Variants in PEDS1 observed in about 807,000 individuals in gnomAD.
The protein encoded by PEDS1 is CarF homolog.
PEDS1 carries 14 observed loss-of-function variants against 35.2 expected under a neutral mutation model. That is an observed-to-expected ratio of 0.40 (90% CI 0.26 to 0.62). PEDS1 has a LOEUF of 0.62. Ranked by LOEUF, PEDS1 falls within the 20% of genes least tolerant of loss-of-function variation. The pLI, the probability that PEDS1 is intolerant of heterozygous loss-of-function variation, is 0.44. For synonymous variants in PEDS1, 152 were observed against 152.0 expected (o/e 1.00, Z 0.00); for missense variants, 260 against 367.8 (o/e 0.71, Z 2.40).
At chr20:50,130,453 C>T (rs746666867) in intron 3 of PEDS1, among the ~76,000 whole-genome samples, 16 of 152,322 alleles carry the variant, frequency 1.1e-4, no homozygotes, top group South Asian at 2.1e-4. Flanking sequence ...TAATTTGGCT[C>T]TAACCCTGAA....
At chr20:50,143,689 A>C (rs1466748185) in intron 1 of PEDS1, 68 bp from the exon 2 acceptor site, 1 of 1,560,136 alleles carries the variant, frequency 6.4e-7, no homozygotes, top group Non-Finnish European at 8.6e-7. Flanking sequence ...GCCCCATGGG[A>C]ACTTTTCTTT....
At chr20:50,140,650 C>G (rs1481984301) in intron 2 of PEDS1, among the ~76,000 whole-genome samples, 2 of 152,218 alleles carry the variant, frequency 1.3e-5, no homozygotes, top group African/African-American at 4.8e-5. Context: ...TCAGAGAGGC[C>G]TTTCCCGCCT....
chr20:50,141,772 G>C (rs547604139), intron 2 of PEDS1, among the ~76,000 whole-genome samples: 2 of 152,332 alleles, frequency 1.3e-5, no homozygotes, highest in Non-Finnish European at 2.9e-5. Flanking sequence ...TCCTGCCTGG[G>C]CTTCCCAGCA....
intron 2 of PEDS1, among the ~76,000 whole-genome samples, chr20:50,135,107 C>T (rs928182323): frequency 2.0e-5 from 3 of 152,114 alleles, no homozygotes; most frequent in Non-Finnish European, 1.5e-5. Context: ...ATCGCTTGAA[C>T]CTGGGAGGCA....
chr20:50,138,917 C>T (rs569201251), intron 2 of PEDS1, among the ~76,000 whole-genome samples: 2 of 152,298 alleles, frequency 1.3e-5, no homozygotes, highest in African/African-American at 4.8e-5. Context: ...TCGCTGGGCC[C>T]GTGCGGGCTT....
chr20:50,138,494 C>A (rs577721374), intron 2 of PEDS1, among the ~76,000 whole-genome samples: 2 of 152,366 alleles, frequency 1.3e-5, no homozygotes, highest in South Asian at 4.1e-4. Context: ...AAGCATCCCC[C>A]CAACGCAGCT....
chr20:50,135,292 T>C (rs1470157697), intron 2 of PEDS1, among the ~76,000 whole-genome samples: 2 of 152,152 alleles, frequency 1.3e-5, no homozygotes, highest in Admixed American at 6.5e-5. Flanking sequence ...AAGGCAGACA[T>C]CAACAGCATT....
chr20:50,145,623 G>A (rs1483390071), intron 1 of PEDS1, among the ~76,000 whole-genome samples: 1 of 152,032 alleles, frequency 6.6e-6, no homozygotes, highest in Non-Finnish European at 1.5e-5. Context: ...CCCAGAAGGC[G>A]GAGGTTACAG....
chr20:50,127,594 C>T (rs1432484592), intron 5 of PEDS1, among the ~76,000 whole-genome samples: 1 of 152,184 alleles, frequency 6.6e-6, no homozygotes, highest in African/African-American at 2.4e-5. Context: ...GATCCACCCG[C>T]CTTGGCCTCC....
chr20:50,127,354 T>G (rs1271298753), intron 5 of PEDS1, among the ~76,000 whole-genome samples: 2 of 146,324 alleles, frequency 1.4e-5, no homozygotes, highest in African/African-American at 2.5e-5. Context: ...TTTTTTTTTT[T>G]TTTTTTTTTT....
chr20:50,135,658 C>CAAAAAAAAAAAAAA (rs34069451), intron 2 of PEDS1, among the ~76,000 whole-genome samples: 1 of 37,858 alleles, frequency 2.6e-5, no homozygotes, highest in Non-Finnish European at 4.7e-5. Context: ...AACTCCATCT[C>CAAAAAAAAAAAAAA]AAAAAAAAAA....
rs527951284 is a variant in PEDS1 at position 50,153,503 on chromosome 20, C to T, written c.121+14G>A. On this transcript the variant is annotated intron_variant, in intron 1 of 5. Transcript: ENST00000371652. ...TGGTGACCGCAGGCCTGGAGGGGGGCCCAGAGGTCTTACCTGGCGAGTAGA... is the reference window on the plus strand; with the variant it reads ...TGGTGACCGCAGGCCTGGAGGGGGGTCCAGAGGTCTTACCTGGCGAGTAGA... 2.2e-6 allele frequency: 3 copies of T among 1,369,064 alleles called. No homozygotes were observed. The highest frequency in any genetic ancestry group is 3.1e-5 in the East Asian group (1 of 32,490). 84.8% of individuals were successfully genotyped at this position (1,369,064 alleles called of 1,614,324 possible).
chr20:50,129,617 T>C lies in PEDS1; in HGVS notation c.407A>G (p.Asn136Ser). 1 of 1,614,074 alleles carries C rather than the reference T, an allele frequency of 6.2e-7. No homozygotes were observed. The highest frequency in any genetic ancestry group is 8.5e-7 in the Non-Finnish European group (1 of 1,180,008). Residue 136 changes from asparagine (N) to serine (S), a missense_variant, in exon 4 of 6, where the codon AAC becomes AGC. Physicochemically the swap from Asn to Ser is conservative, Grantham distance 46 (BLOSUM62 1). Around this residue, in one of 4 missense-constraint regions of PEDS1, gnomAD observed 34 missense variants for 81.9 expected, o/e 0.41. Coordinates refer to ENST00000371652, the MANE Select transcript of PEDS1 (RefSeq NM_199129.4). This position sits in a 1 kb window ranked among gnomAD's most constrained non-coding sequence, Gnocchi z 4.2. ...CAGTGTCACCAGGCAGTTGTCCCCG[T>C]TGGTCTCGATGAAGTCGTGCCGTGT... ...AITRHDFIET[N>S]GDNCLVTLLP...
chr20:50,152,127 T>C (rs2081411056), intron 1 of PEDS1, among the ~76,000 whole-genome samples: 1 of 152,042 alleles, frequency 6.6e-6, no homozygotes, highest in African/African-American at 2.4e-5. Flanking sequence ...GTGTCTTGGG[T>C]ATAGGCCTGA....
chr20:50,140,369 C>T (rs2081279982), intron 2 of PEDS1, among the ~76,000 whole-genome samples: 1 of 152,258 alleles, frequency 6.6e-6, no homozygotes, highest in East Asian at 1.9e-4. Flanking sequence ...CTGTGGGAAA[C>T]TCACCAATGG....
rs1024984181 is a variant in PEDS1 at position 50,122,027 on chromosome 20, T to A, written c.*3031A>T. 12 of 152,212 alleles carry A rather than the reference T, an allele frequency of 7.9e-5. No individual in the cohort carries two copies. The highest frequency in any genetic ancestry group is 2.9e-4 in the African/African-American group (12 of 41,438). 9.4% of individuals were successfully genotyped at this position (152,212 alleles called of 1,614,324 possible). ...TCACCCCACTGGCCAATGTGATTGGTTCAGGGATGGGCACGTGACCCAGTC... is the reference window on the plus strand; with the variant it reads ...TCACCCCACTGGCCAATGTGATTGGATCAGGGATGGGCACGTGACCCAGTC... On this transcript the variant is annotated 3_prime_UTR_variant, in exon 6 of 6. Transcript: ENST00000371652.
intron 1 of PEDS1, among the ~76,000 whole-genome samples, chr20:50,150,435 C>A (rs770836871): frequency 4.6e-5 from 7 of 152,178 alleles, no homozygotes; most frequent in Non-Finnish European, 1.0e-4. Context: ...TTTCCCTGGT[C>A]TGGACCAACC....
At chr20:50,144,641 G>A (rs2081328263) in intron 1 of PEDS1, among the ~76,000 whole-genome samples, 2 of 152,144 alleles carry the variant, frequency 1.3e-5, no homozygotes, top group South Asian at 4.1e-4. Flanking sequence ...CAAAACTTGG[G>A]AAATAACCTA....
chr20:50,144,373 T>C (rs1410465153), intron 1 of PEDS1, among the ~76,000 whole-genome samples: 3 of 152,222 alleles, frequency 2.0e-5, no homozygotes, highest in African/African-American at 7.2e-5. Flanking sequence ...CCTTTAATCC[T>C]GGTGGCTCAC....
Sources: gnomAD v4.1 joint callset for allele counts (sites outside exome capture counted in the v4.1 genomes callset) on GRCh38, gnomAD v4.1.1 for gene constraint, gnomAD v4.1.1 regional missense constraint, Gnocchi (gnomAD v3.1) non-coding constraint, MANE v1.5 for transcripts, NCBI Gene and HGNC (gene_info 2026-07-23, HGNC 2026-07-21) for gene names.